Variants in ARHGAP26 observed in about 807,000 individuals in gnomAD.
ARHGAP26 encodes rho GTPase-activating protein 26.
A neutral mutation model predicts 104.8 loss-of-function variants in ARHGAP26; 38 were observed. That is an observed-to-expected ratio of 0.36 (90% CI 0.28 to 0.48). ARHGAP26 has a LOEUF of 0.48. ARHGAP26 is among the 20% of genes least tolerant of loss of function. The probability of loss-of-function intolerance (pLI) is 0.99; values close to 1 mark genes in which losing one functional copy is unlikely to be tolerated. For missense variants in ARHGAP26, 704 were observed against 947.9 expected (o/e 0.74, Z 3.38); for synonymous variants, 341 against 340.0 (o/e 1.00, Z -0.03).
At chr5:143,169,455 T>A (rs1459841445) in intron 20 of ARHGAP26, 1 of 152,236 alleles carries the variant, frequency 6.6e-6, no homozygotes, top group Non-Finnish European at 1.5e-5. Context: ...TTAGATAAGC[T>A]CTTTCCTTTT....
intron 17 of ARHGAP26, among the ~76,000 whole-genome samples, chr5:143,098,927 C>T (rs937607561): frequency 1.3e-5 from 2 of 151,988 alleles, no homozygotes; most frequent in African/African-American, 2.4e-5. Context: ...AGAATAAACA[C>T]GTCAAAGGTC....
intron 1 of ARHGAP26, among the ~76,000 whole-genome samples, chr5:142,835,795 C>T (rs1028313354): frequency 3.3e-5 from 5 of 152,194 alleles, no homozygotes; most frequent in African/African-American, 9.7e-5. Context: ...TAGCCACCAA[C>T]ACCAAGAGAT....
chr5:143,191,210 C>T (rs2151253838), intron 20 of ARHGAP26, among the ~76,000 whole-genome samples: 1 of 152,328 alleles, frequency 6.6e-6, no homozygotes, highest in South Asian at 2.1e-4. Context: ...CTGTTTTAAA[C>T]TCTCCCAGGA....
chr5:142,989,954 GTA>G (rs1479767111), intron 11 of ARHGAP26, among the ~76,000 whole-genome samples: 3 of 151,998 alleles, frequency 2.0e-5, no homozygotes, highest in Admixed American at 2.0e-4. Context: ...TTCTCGAGCA[GTA>G]TCTTTGTGGC....
intron 12 of ARHGAP26, among the ~76,000 whole-genome samples, chr5:143,031,239 A>G (rs1414520136): frequency 1.3e-5 from 2 of 152,200 alleles, no homozygotes; most frequent in Non-Finnish European, 2.9e-5. Context: ...GTGAGCAAGT[A>G]AGGATTGGGG....
chr5:142,997,682 G>C (rs551230382), intron 11 of ARHGAP26, among the ~76,000 whole-genome samples: 1 of 151,332 alleles, frequency 6.6e-6, no homozygotes, highest in Non-Finnish European at 1.5e-5. Flanking sequence ...CTCCTGAAGT[G>C]CTGGGATTAG....
At chr5:142,969,760 G>A (rs1210702139) in intron 11 of ARHGAP26, among the ~76,000 whole-genome samples, 5 of 152,134 alleles carry the variant, frequency 3.3e-5, no homozygotes, top group African/African-American at 9.7e-5. Context: ...CACATGGGTG[G>A]TCAGTGTATC....
At chr5:142,858,674 C>T (rs1195529353) in intron 1 of ARHGAP26, among the ~76,000 whole-genome samples, 1 of 152,152 alleles carries the variant, frequency 6.6e-6, no homozygotes, top group African/African-American at 2.4e-5. Flanking sequence ...AAAACAGTCA[C>T]GGCTACTGCC....
intron 11 of ARHGAP26, among the ~76,000 whole-genome samples, chr5:142,948,431 A>G (rs1767508659): frequency 1.3e-5 from 2 of 151,500 alleles, no homozygotes; most frequent in Non-Finnish European, 2.9e-5. Context: ...TATAATATGT[A>G]TTTTAATTTC....
At chr5:143,180,738 C>G (rs1277574455) in intron 20 of ARHGAP26, among the ~76,000 whole-genome samples, 2 of 152,164 alleles carry the variant, frequency 1.3e-5, no homozygotes, top group East Asian at 1.9e-4. Context: ...CCCCATGATC[C>G]AGTCTCCTCC....
Position 142,913,305 on chromosome 5 carries a change from G to A in ARHGAP26, c.1028+12G>A. The A allele has an allele frequency of 6.2e-7, 1 of 1,611,314 alleles. No individual in the cohort carries two copies. Among genetic ancestry groups the A allele is most frequent in the Non-Finnish European group, 8.5e-7 (1 of 1,177,500 alleles). ...GAAGCAGTAGACAGGTGAGTAGCTA[G>A]CATGCTTTTCTCAGGAGCAAATAGA... is the stretch of plus-strand genomic sequence containing the variant. On this transcript the variant is annotated intron_variant, in intron 10 of 22. Coordinates refer to ENST00000645722, the MANE Select transcript of ARHGAP26 (RefSeq NM_001135608.3).
chr5:143,066,375 A>G (rs57464790), intron 17 of ARHGAP26, among the ~76,000 whole-genome samples: 8,309 of 152,318 alleles, frequency 0.055, 808 homozygotes, highest in African/African-American at 0.19. Context: ...ATGCGTGACT[A>G]TACTTCAAGT....
chr5:142,866,016 C>A (rs936553274), intron 1 of ARHGAP26, among the ~76,000 whole-genome samples: 1 of 150,520 alleles, frequency 6.6e-6, no homozygotes, highest in Non-Finnish European at 1.5e-5. Flanking sequence ...AACGCTACTC[C>A]CTGTTCTTTT....
intron 17 of ARHGAP26, among the ~76,000 whole-genome samples, chr5:143,102,285 G>T (rs1793361862): frequency 6.6e-6 from 1 of 152,082 alleles, no homozygotes; most frequent in African/African-American, 2.4e-5. Flanking sequence ...ATAAACTTCA[G>T]TCTGTTCCAC....
At chr5:143,111,923 C>G (rs1209250502) in intron 17 of ARHGAP26, among the ~76,000 whole-genome samples, 1 of 152,174 alleles carries the variant, frequency 6.6e-6, no homozygotes, top group Admixed American at 6.5e-5. Flanking sequence ...CAGTAGGTGA[C>G]GTGTTTAACC....
chr5:142,993,248 C>A, intron 11 of ARHGAP26, among the ~76,000 whole-genome samples: 1 of 149,676 alleles, frequency 6.7e-6, no homozygotes, highest in African/African-American at 2.5e-5. Context: ...CGGCTCACTG[C>A]AAGCTCCGCT....
intron 1 of ARHGAP26, among the ~76,000 whole-genome samples, chr5:142,848,520 C>T (rs1398677299): frequency 1.3e-5 from 2 of 152,196 alleles, no homozygotes; most frequent in East Asian, 3.9e-4. Flanking sequence ...AGCCTTGGCA[C>T]ATCAGCTGAG....
At chr5:142,868,089 C>T (rs1320919036) in intron 1 of ARHGAP26, 1 of 152,202 alleles carries the variant, frequency 6.6e-6, no homozygotes, top group Non-Finnish European at 1.5e-5. Context: ...AGAAGAATTA[C>T]CTGAACAAAT....
intron 1 of ARHGAP26, among the ~76,000 whole-genome samples, chr5:142,851,717 CT>C (rs1751556756): frequency 6.6e-6 from 1 of 152,236 alleles, no homozygotes. Context: ...CTCACCACCC[CT>C]GCCCTTTCTC....
Sources: allele counts gnomAD v4.1 joint callset (sites outside exome capture counted in the v4.1 genomes callset), GRCh38; gene constraint gnomAD v4.1.1; transcripts MANE v1.5; gene names NCBI Gene and HGNC (gene_info 2026-07-23, HGNC 2026-07-21).